The following PLEKHA8 variants were observed in gnomAD, a reference collection of about 807,000 sequenced individuals.
PLEKHA8 encodes the protein pleckstrin homology domain-containing family A member 8.
Under a neutral mutation model 68.2 loss-of-function variants are expected in PLEKHA8, and 36 were observed. That is an observed-to-expected ratio of 0.53 (90% CI 0.40 to 0.70). The LOEUF is 0.70. Ranked by LOEUF, PLEKHA8 falls within the 30% of genes least tolerant of loss-of-function variation. The pLI is 0.00. For synonymous variants in PLEKHA8, 211 were observed against 216.1 expected, an observed-to-expected ratio of 0.98 and a Z score of 0.20; for missense variants, 505 against 615.4, an observed-to-expected ratio of 0.82 and a Z score of 1.90.
intron 7 of PLEKHA8, 60 bp downstream of exon 7, chr7:30,052,926 T>C (rs745315451): frequency 2.2e-5 from 31 of 1,381,158 alleles, no homozygotes; most frequent in Middle Eastern, 1.8e-4. Context: ...ATTTGGGAAT[T>C]TGATGAATAT....
In PLEKHA8 at chr7:30,125,402, T is replaced by A. The variant is rs574901992; in HGVS notation, c.1363-3864T>A. ...TCTGACATTTTTTATTTACAATGAG[T>A]TTATTGGGATTTAACCTCATTGGAA... On this transcript the variant is annotated intron_variant, in intron 13 of 13. Coordinates refer to the PLEKHA8 transcript ENST00000396257. Among the ~76,000 whole-genome samples the A allele has an allele frequency of 2.6e-5, 4 of 152,296 alleles. No homozygotes were observed. The East Asian group carries it at 7.7e-4, about 29-fold the overall frequency.
chr7:30,050,462 A>G lies in PLEKHA8; in HGVS notation c.626A>G (p.Asn209Ser). The G allele has an allele frequency of 6.3e-7, 1 of 1,578,112 alleles. No homozygotes were observed. Among genetic ancestry groups the G allele is most frequent in the Non-Finnish European group, 8.6e-7 (1 of 1,165,396 alleles). ...KMKHPIIPIH[N>S]SLERQMELST... Reference sequence around the variant, plus strand: ...AAACATCCTATTATACCAATTCATAATTCATTGGAAAGGTACAGTAGCTTT... The same window carrying G: ...AAACATCCTATTATACCAATTCATAGTTCATTGGAAAGGTACAGTAGCTTT... Residue 209 changes from asparagine to serine, a missense_variant, in exon 6 of 14, where the codon AAT becomes AGT. Asn to Ser is a conservative substitution (Grantham distance 46). Transcript: ENST00000449726.
intron 13 of PLEKHA8, among the ~76,000 whole-genome samples, chr7:30,106,772 T>C (rs1442471040): frequency 6.6e-6 from 1 of 152,246 alleles, no homozygotes; most frequent in Admixed American, 6.5e-5. Context: ...AAGTACTACG[T>C]TGAATGCACG....
At chr7:30,058,399 A>G (rs1050577286) in intron 9 of PLEKHA8, among the ~76,000 whole-genome samples, 1 of 151,426 alleles carries the variant, frequency 6.6e-6, no homozygotes, top group Non-Finnish European at 1.5e-5. Context: ...AGACTCTTCT[A>G]ACTTTTACAT....
Position 30,082,479 on chromosome 7 carries a change from A to T in PLEKHA8, c.*3692A>T. ...GCAAGAGCTTCTTAAGAAGGAGCCC[A>T]TATTCCCATTTGTAGCTGGAAAGCG... On this transcript the variant is annotated 3_prime_UTR_variant, in exon 14 of 14. Coordinates refer to ENST00000449726, the MANE Select transcript of PLEKHA8 (RefSeq NM_001197026.2). 1 of 985,374 alleles carries T rather than the reference A, an allele frequency of 1.0e-6. No individual in the cohort carries two copies. Among genetic ancestry groups the T allele is most frequent in the Non-Finnish European group, 1.2e-6 (1 of 829,944 alleles). 61.0% of individuals were successfully genotyped at this position (985,374 alleles called of 1,614,324 possible).
intron 1 of PLEKHA8, among the ~76,000 whole-genome samples, chr7:30,032,503 T>A (rs1477911776): frequency 6.6e-6 from 1 of 152,212 alleles, no homozygotes; most frequent in Non-Finnish European, 1.5e-5. Flanking sequence ...ATTTTCCAGA[T>A]GAAGACACTG....
chr7:30,114,947 A>G (rs1023232813), intron 13 of PLEKHA8, among the ~76,000 whole-genome samples: 2 of 152,126 alleles, frequency 1.3e-5, no homozygotes, highest in Non-Finnish European at 2.9e-5. Context: ...AGAGGCATAT[A>G]AATTCTTTTT....
chr7:30,043,437 C>T (rs1791693347), intron 1 of PLEKHA8, among the ~76,000 whole-genome samples: 1 of 152,082 alleles, frequency 6.6e-6, no homozygotes, highest in Non-Finnish European at 1.5e-5. Flanking sequence ...GAAGGAAGTC[C>T]TCCATATAAA....
downstream of PLEKHA8, among the ~76,000 whole-genome samples, chr7:30,085,528 G>A (rs1033314962): frequency 6.6e-6 from 1 of 152,186 alleles, no homozygotes; most frequent in Non-Finnish European, 1.5e-5. Context: ...TGATGTCAAA[G>A]TAGTGTTGAA....
rs1795071735 is a variant in PLEKHA8, at chr7:30,083,982, C to T, written c.*5195C>T. 1 of 985,352 alleles carries T rather than the reference C, an allele frequency of 1.0e-6. No individual in the cohort carries two copies. The highest frequency in any genetic ancestry group is 4.7e-5 in the South Asian group (1 of 21,292). The allele number at this position is 985,352 out of a possible 1,614,324, so 61.0% of individuals were successfully genotyped here. On this transcript the variant is annotated 3_prime_UTR_variant, in exon 14 of 14. Coordinates refer to ENST00000449726, the MANE Select transcript of PLEKHA8 (RefSeq NM_001197026.2). ...AGTACTTCTGTTGTTTCCTAGAAGG[C>T]TATGAGCCAGTTCCATGGCATGTTT...
At chr7:30,106,911 A>G (rs761536240) in intron 13 of PLEKHA8, among the ~76,000 whole-genome samples, 1 of 152,216 alleles carries the variant, frequency 6.6e-6, no homozygotes, top group African/African-American at 2.4e-5. Flanking sequence ...ACTTCTGAGC[A>G]TCTTCAGATT....
Position 30,080,867 on chromosome 7 carries a change from A to G in PLEKHA8, c.*2080A>G, listed in dbSNP as rs939469198. ...AAAGAAAAAGCCAGTTTTTGCTTGT[A>G]CTTTGAATGAAGATGTTTTAGGCAT... On this transcript the variant is annotated 3_prime_UTR_variant, in exon 14 of 14. Coordinates refer to ENST00000449726, the MANE Select transcript of PLEKHA8 (RefSeq NM_001197026.2). The G allele has an allele frequency of 6.1e-6, 6 of 985,252 alleles. No individual in the cohort carries two copies. Among genetic ancestry groups the G allele is most frequent in the South Asian group, 9.4e-5 (2 of 21,290 alleles). 61.0% of individuals were successfully genotyped at this position (985,252 alleles called of 1,614,324 possible).
intron 13 of PLEKHA8, among the ~76,000 whole-genome samples, chr7:30,110,855 ATCTAT>A (rs551703295): frequency 1.4e-3 from 204 of 150,130 alleles, no homozygotes; most frequent in Middle Eastern, 7.0e-3. Flanking sequence ...TTAAAGAAAT[ATCTAT>A]TCAAATTCTT....
At chr7:30,051,363 C>G (rs1792394663) in intron 6 of PLEKHA8, among the ~76,000 whole-genome samples, 1 of 150,552 alleles carries the variant, frequency 6.6e-6, no homozygotes, top group Admixed American at 6.6e-5. Context: ...CCTCTATATG[C>G]TCCTACATTT....
intron 12 of PLEKHA8, among the ~76,000 whole-genome samples, chr7:30,063,663 C>G (rs1793616818): frequency 6.6e-6 from 1 of 152,144 alleles, no homozygotes. Context: ...TTTCCCGAGT[C>G]TGCCCCATCT....
At chr7:30,043,405 A>C (rs10488084) in intron 1 of PLEKHA8, among the ~76,000 whole-genome samples, 14,806 of 152,194 alleles carry the variant, frequency 0.097, 889 homozygotes, top group African/African-American at 0.14. Context: ...CCTGACCTGC[A>C]ATAAAGGGTC....
At chr7:30,101,388 G>T (rs1328716548) in intron 13 of PLEKHA8, among the ~76,000 whole-genome samples, 1 of 152,132 alleles carries the variant, frequency 6.6e-6, no homozygotes, top group Non-Finnish European at 1.5e-5. Flanking sequence ...GTGGTGGCTG[G>T]GAAGTCTGAG....
At chr7:30,060,729 A>G (rs1318699182) in intron 9 of PLEKHA8, among the ~76,000 whole-genome samples, 155 bp from the exon 10 acceptor site, 2 of 152,206 alleles carry the variant, frequency 1.3e-5, no homozygotes, top group African/African-American at 2.4e-5. Context: ...TGGTAATAGT[A>G]TCCTGGGAGC....
At chr7:30,060,272 C>T (rs551061089) in intron 9 of PLEKHA8, among the ~76,000 whole-genome samples, 1 of 152,236 alleles carries the variant, frequency 6.6e-6, no homozygotes, top group South Asian at 2.1e-4. Context: ...TGAAGCCCGT[C>T]TCTACTGAAA....
Sources: allele counts gnomAD v4.1 joint callset (sites outside exome capture counted in the v4.1 genomes callset), GRCh38; gene constraint gnomAD v4.1.1; transcripts MANE v1.5; gene names NCBI Gene and HGNC (gene_info 2026-07-23, HGNC 2026-07-21).